The following UBR3 variants were observed in gnomAD, a reference collection of about 807,000 sequenced individuals.
The protein encoded by UBR3 is E3 ubiquitin-protein ligase UBR3.
UBR3 carries 85 observed loss-of-function variants against 243.2 expected under a neutral mutation model. The observed-to-expected ratio is 0.35, with a 90% CI of 0.29 to 0.42. The LOEUF (loss-of-function observed/expected upper bound fraction) is 0.42. UBR3 is among the 10% of genes least tolerant of loss of function. UBR3 has a pLI of 1.00. For synonymous variants in UBR3, 748 were observed against 799.8 expected (o/e 0.94, Z 1.09); for missense variants, 1,686 against 2,300.8 (o/e 0.73, Z 5.47).
chr2:169,866,725 C>A (rs1200429762), intron 1 of UBR3, among the ~76,000 whole-genome samples: 3 of 152,172 alleles, frequency 2.0e-5, no homozygotes, highest in Admixed American at 1.3e-4. Context: ...AGGTGTAATG[C>A]TTCCTAACCT....
At chr2:169,859,322 C>A (rs182851003) in intron 1 of UBR3, among the ~76,000 whole-genome samples, 1 of 152,144 alleles carries the variant, frequency 6.6e-6, no homozygotes, top group Non-Finnish European at 1.5e-5. Context: ...CCACCCGCCT[C>A]GGCTTCCCAG....
chr2:169,996,692 TG>T (rs58518398), intron 26 of UBR3, among the ~76,000 whole-genome samples: 10,317 of 49,940 alleles, frequency 0.21, 755 homozygotes, highest in Non-Finnish European at 0.24. Flanking sequence ...TTTGGACTTT[TG>T]TTTTTTTTTT....
intron 23 of UBR3, among the ~76,000 whole-genome samples, chr2:169,950,948 T>C (rs909290836): frequency 6.6e-5 from 9 of 137,246 alleles, no homozygotes; most frequent in Non-Finnish European, 1.0e-4. Flanking sequence ...ACCCAGGACA[T>C]TTAAAAAAAA....
chr2:170,059,845 A>G (rs2105446061), intron 33 of UBR3, among the ~76,000 whole-genome samples: 1 of 152,334 alleles, frequency 6.6e-6, no homozygotes. Context: ...CCAAGGTCCA[A>G]TACTCCAAAA....
chr2:169,838,384 CATTTGTGTGTGTGTGTGTGTGT>C (rs1477084952), intron 1 of UBR3, among the ~76,000 whole-genome samples: 10 of 133,632 alleles, frequency 7.5e-5, no homozygotes, highest in African/African-American at 1.4e-4. Flanking sequence ...AAGATTAAGG[CATTTGTGTGTGTGTGTGTGTGT>C]GTGTGTGTGT....
intron 24 of UBR3, among the ~76,000 whole-genome samples, chr2:169,975,998 GTTTTTC>G (rs1375236979): frequency 6.7e-6 from 1 of 149,544 alleles, no homozygotes; most frequent in South Asian, 2.1e-4. Context: ...TTATCTGCAT[GTTTTTC>G]TTTTTCATTT....
chr2:169,875,747 A>G, intron 2 of UBR3, 44 bp from the exon 3 acceptor site: 6 of 1,444,874 alleles, frequency 4.2e-6, no homozygotes, highest in Non-Finnish European at 5.5e-6. Context: ...AGATATTTTA[A>G]ACAAAATTAC....
intron 29 of UBR3, chr2:170,013,974 T>G: frequency 2.1e-6 from 1 of 466,972 alleles, no homozygotes; most frequent in Non-Finnish European, 4.4e-6. Flanking sequence ...TCCTTGCTGG[T>G]AGGTTTTTAG....
intron 11 of UBR3, among the ~76,000 whole-genome samples, chr2:169,921,076 T>TA (rs1282328338): frequency 1.3e-5 from 2 of 152,222 alleles, no homozygotes; most frequent in East Asian, 3.8e-4. Context: ...CATAATTTGA[T>TA]ACCTCATCAA....
At chr2:169,905,917 C>T (rs890364012) in intron 9 of UBR3, 114 bp from the exon 10 acceptor site, 11 of 1,130,314 alleles carry the variant, frequency 9.7e-6, no homozygotes, top group Middle Eastern at 2.0e-4. Context: ...TGTACTGTGT[C>T]AGTAATGCTA....
chr2:169,851,002 G>T (rs2082638242), intron 1 of UBR3, among the ~76,000 whole-genome samples: 1 of 152,018 alleles, frequency 6.6e-6, no homozygotes, highest in South Asian at 2.1e-4. Flanking sequence ...ACTTAAATTT[G>T]GATTTTGCCT....
At chr2:169,858,547 T>G (rs555173441) in intron 1 of UBR3, among the ~76,000 whole-genome samples, 1 of 152,298 alleles carries the variant, frequency 6.6e-6, no homozygotes, top group Non-Finnish European at 1.5e-5. Context: ...TTCTAGATTT[T>G]CGATGTTCTT....
chr2:169,990,702 A>G (rs1398868729), intron 25 of UBR3, among the ~76,000 whole-genome samples: 8 of 138,762 alleles, frequency 5.8e-5, no homozygotes, highest in Admixed American at 3.1e-4. Flanking sequence ...GGTAAACACT[A>G]TAAAAAAAAG....
intron 1 of UBR3, among the ~76,000 whole-genome samples, chr2:169,834,417 G>A (rs1422951754): frequency 6.6e-6 from 1 of 152,178 alleles, no homozygotes; most frequent in African/African-American, 2.4e-5. Flanking sequence ...GTGAGCTTAT[G>A]TATGAGGATA....
intron 30 of UBR3, among the ~76,000 whole-genome samples, chr2:170,022,174 G>A (rs16857467): frequency 0.012 from 1,774 of 152,220 alleles, 49 homozygotes; most frequent in African/African-American, 0.039. Flanking sequence ...GTCGGAAAGC[G>A]AAAAGGGGAG....
intron 5 of UBR3, among the ~76,000 whole-genome samples, chr2:169,885,427 C>G (rs191886433): frequency 1.3e-3 from 198 of 152,100 alleles, no homozygotes; most frequent in Admixed American, 2.0e-3. Flanking sequence ...ACTAAAAATA[C>G]AAAATTAGCC....
At chr2:170,027,407 A>C (rs2090558142) in intron 30 of UBR3, among the ~76,000 whole-genome samples, 1 of 151,644 alleles carries the variant, frequency 6.6e-6, no homozygotes, top group Non-Finnish European at 1.5e-5. Context: ...TAGAATGAGG[A>C]AATGATGAAA....
At chr2:169,874,108 A>C (rs1304754843) in intron 2 of UBR3, among the ~76,000 whole-genome samples, 2 of 152,084 alleles carry the variant, frequency 1.3e-5, no homozygotes, top group African/African-American at 2.4e-5. Context: ...GGTTCATGGA[A>C]GTTTCTTCCT....
chr2:170,011,555 G>T (rs12988413), intron 29 of UBR3, among the ~76,000 whole-genome samples: 64,588 of 150,610 alleles, frequency 0.43, 15,324 homozygotes, highest in Non-Finnish European at 0.54. Context: ...AAGTAATTTT[G>T]TTTGCTCTTC....
Sources: allele counts gnomAD v4.1 joint callset (sites outside exome capture counted in the v4.1 genomes callset), GRCh38; gene constraint gnomAD v4.1.1; transcripts MANE v1.5; gene names NCBI Gene and HGNC (gene_info 2026-07-23, HGNC 2026-07-21).